Variants in MPPED1 observed in about 807,000 individuals in gnomAD.
MPPED1 encodes metallophosphoesterase domain-containing protein 1.
In MPPED1, 16 loss-of-function variants were observed where a neutral mutation model predicts 36.2. The observed-to-expected ratio is 0.44, with a 90% CI of 0.30 to 0.67. MPPED1 has a LOEUF of 0.67. Among genes scored for constraint, MPPED1 ranks in the 30% least tolerant of loss-of-function variants. The pLI, the probability that MPPED1 is intolerant of heterozygous loss-of-function variation, is 0.10. For synonymous variants in MPPED1, 199 were observed against 191.3 expected, an observed-to-expected ratio of 1.04 and a Z score of -0.33; for missense variants, 307 against 453.4, an observed-to-expected ratio of 0.68 and a Z score of 2.93.
At chr22:43,440,275 C>T (rs956231337) in intron 3 of MPPED1, among the ~76,000 whole-genome samples, 8 of 152,224 alleles carry the variant, frequency 5.3e-5, no homozygotes, top group South Asian at 2.1e-4. Flanking sequence ...TTGCCACACA[C>T]GACTTGGGAA....
At chr22:43,427,930 C>A (rs1180506743) in intron 2 of MPPED1, among the ~76,000 whole-genome samples, 1 of 152,130 alleles carries the variant, frequency 6.6e-6, no homozygotes, top group East Asian at 1.9e-4. Flanking sequence ...AAAACTGGTT[C>A]TTCGGGGGTG....
At chr22:43,489,700 G>A (rs770784367) in intron 4 of MPPED1, among the ~76,000 whole-genome samples, 4 of 152,064 alleles carry the variant, frequency 2.6e-5, no homozygotes, top group Non-Finnish European at 5.9e-5. Context: ...TGTATTTTTA[G>A]TAGAGACGGG....
At chr22:43,460,345 A>G (rs1019706286) in intron 3 of MPPED1, among the ~76,000 whole-genome samples, 1 of 137,944 alleles carries the variant, frequency 7.2e-6, no homozygotes, top group African/African-American at 2.6e-5. Flanking sequence ...GTTTTTTGAG[A>G]CAGGGTCTCA....
At chr22:43,479,620 C>A (rs528176829) in intron 4 of MPPED1, among the ~76,000 whole-genome samples, 2 of 152,318 alleles carry the variant, frequency 1.3e-5, no homozygotes, top group South Asian at 4.1e-4. Context: ...GCCCTTCCAG[C>A]CCCTTCCCCT....
At chr22:43,434,989 G>A (rs1193067998) in intron 2 of MPPED1, 45 bp from the exon 3 acceptor site, 17 of 1,593,694 alleles carry the variant, frequency 1.1e-5, no homozygotes, top group Admixed American at 1.7e-5. Context: ...CCGCAGGCTC[G>A]CGGCTCCATG....
At chr22:43,491,665 TGGTGATGGAGGTGGTGGTTATGGA>T (rs1932095773) in intron 4 of MPPED1, among the ~76,000 whole-genome samples, 2 of 148,174 alleles carry the variant, frequency 1.3e-5, no homozygotes, top group Admixed American at 6.7e-5. Flanking sequence ...GTGGTGGTGA[TGGTGATGGAGGTGGTGGTTATGGA>T]GGTGGTGGTG....
At chr22:43,489,224 G>C (rs781107251) in intron 4 of MPPED1, among the ~76,000 whole-genome samples, 1 of 152,082 alleles carries the variant, frequency 6.6e-6, no homozygotes, top group African/African-American at 2.4e-5. Context: ...TTCGCACTTC[G>C]CCTCCAGGAG....
intron 3 of MPPED1, among the ~76,000 whole-genome samples, chr22:43,453,098 C>T (rs542198839): frequency 2.0e-5 from 3 of 151,842 alleles, no homozygotes; most frequent in African/African-American, 4.8e-5. Flanking sequence ...TACAGGCACC[C>T]GCTACCACGC....
intron 2 of MPPED1, among the ~76,000 whole-genome samples, chr22:43,433,066 G>C (rs73167912): frequency 0.32 from 48,889 of 151,368 alleles, 9,540 homozygotes; most frequent in Non-Finnish European, 0.43. Context: ...AGCTGTGTGT[G>C]GGGGGGCGGC....
In MPPED1 at chr22:43,452,927, G is replaced by A. The variant is rs139646489; in HGVS notation, c.406+17712G>A. ...GGGTGTGAGCTACCACACCTAGCCA[G>A]AAATATTTTAAAAACAGGAACTTTT... On this transcript the variant is annotated intron_variant, in intron 3 of 6. Coordinates refer to ENST00000443721, the MANE Select transcript of MPPED1 (RefSeq NM_001044370.2). Among the ~76,000 whole-genome samples, 4 of 149,798 alleles carry A rather than the reference G, an allele frequency of 2.7e-5. No individual in the cohort carries two copies. In the Admixed American group the frequency reaches 2.7e-4, roughly 10 times the overall value.
At chr22:43,477,004 A>G (rs1207624182) in intron 4 of MPPED1, among the ~76,000 whole-genome samples, 1 of 152,172 alleles carries the variant, frequency 6.6e-6, no homozygotes, top group Non-Finnish European at 1.5e-5. Flanking sequence ...GAGAAGCCGA[A>G]GGACAGAGAA....
chr22:43,454,424 C>T (rs1930683259), intron 3 of MPPED1, among the ~76,000 whole-genome samples: 1 of 152,202 alleles, frequency 6.6e-6, no homozygotes, highest in Admixed American at 6.5e-5. Flanking sequence ...CCCACCTCAG[C>T]CTCCTGAGTA....
intron 2 of MPPED1, among the ~76,000 whole-genome samples, chr22:43,431,021 A>ATTTTTTTTTTTTTTTTTTTTTT (rs135076): frequency 2.4e-5 from 1 of 42,278 alleles, no homozygotes; most frequent in African/African-American, 6.6e-5. Context: ...GTTGTTGTTA[A>ATTTTTTTTTTTTTTTTTTTTTT]TTTTTTTTTT....
At chr22:43,414,667 C>G (rs564276710) in intron 1 of MPPED1, among the ~76,000 whole-genome samples, 1 of 152,130 alleles carries the variant, frequency 6.6e-6, no homozygotes, top group Non-Finnish European at 1.5e-5. Context: ...GGAATTTCTG[C>G]GTTATCCCTG....
intron 4 of MPPED1, among the ~76,000 whole-genome samples, chr22:43,487,647 C>T (rs1267106015): frequency 2.6e-5 from 4 of 152,156 alleles, no homozygotes; most frequent in Non-Finnish European, 4.4e-5. Context: ...CTCAGAGGAG[C>T]AGGCAGGAAG....
chr22:43,473,153 G>T (rs780240477), intron 3 of MPPED1, among the ~76,000 whole-genome samples: 2 of 152,236 alleles, frequency 1.3e-5, no homozygotes, highest in Non-Finnish European at 2.9e-5. Context: ...TTTTGGTCAT[G>T]GTGGAAAAGG....
chr22:43,492,442 C>T (rs1208622866), intron 4 of MPPED1, among the ~76,000 whole-genome samples: 3 of 152,128 alleles, frequency 2.0e-5, no homozygotes, highest in Non-Finnish European at 2.9e-5. Flanking sequence ...TGGGATTAGC[C>T]ACTGTCCTTG....
chr22:43,417,461 T>TC (rs1179311482), intron 1 of MPPED1, among the ~76,000 whole-genome samples: 2 of 151,720 alleles, frequency 1.3e-5, no homozygotes, highest in Admixed American at 6.6e-5. Flanking sequence ...TTTTTTTTTT[T>TC]TTCCTTTTAT....
At chr22:43,465,736 T>C (rs578164425) in intron 3 of MPPED1, among the ~76,000 whole-genome samples, 2 of 152,146 alleles carry the variant, frequency 1.3e-5, no homozygotes, top group East Asian at 1.9e-4. Flanking sequence ...GCGAGTTGAA[T>C]TGGAGTTGAC....
Sources: gnomAD v4.1 joint callset for allele counts (sites outside exome capture counted in the v4.1 genomes callset) on GRCh38, gnomAD v4.1.1 for gene constraint, MANE v1.5 for transcripts, NCBI Gene and HGNC (gene_info 2026-07-23, HGNC 2026-07-21) for gene names.